Variants in ADAM29 observed in about 807,000 individuals in gnomAD.
The protein encoded by ADAM29 is ADAM metallopeptidase domain 29, also known as disintegrin and metalloproteinase domain-containing protein 29.
For synonymous variants in ADAM29, 367 were observed against 342.3 expected (o/e 1.07, Z -0.80); for missense variants, 969 against 1,001.8 (o/e 0.97, Z 0.44).
chr4:174,970,350 A>G (rs896358489), intron 4 of ADAM29, among the ~76,000 whole-genome samples: 17 of 152,218 alleles, frequency 1.1e-4, no homozygotes, highest in African/African-American at 3.9e-4. Flanking sequence ...CGTGAGTCCA[A>G]TGCAATTCCA....
intron 4 of ADAM29, among the ~76,000 whole-genome samples, chr4:174,970,137 G>T (rs1021288610): frequency 2.0e-5 from 3 of 152,156 alleles, no homozygotes; most frequent in African/African-American, 7.2e-5. Context: ...CAGATTAAAA[G>T]ACAATAGGAT....
At chr4:174,975,168 C>T (rs1172064200) in intron 4 of ADAM29, among the ~76,000 whole-genome samples, 178 bp from the exon 5 acceptor site, 2 of 152,146 alleles carry the variant, frequency 1.3e-5, no homozygotes. Flanking sequence ...TCCCTATTCC[C>T]TTTTCCCTAT....
At chr4:174,936,341 GTTATTA>G (rs1744200428) in intron 3 of ADAM29, among the ~76,000 whole-genome samples, 1 of 151,930 alleles carries the variant, frequency 6.6e-6, no homozygotes, top group Non-Finnish European at 1.5e-5. Context: ...AAGGTCAAAA[GTTATTA>G]TTATTAATTT....
intron 4 of ADAM29, among the ~76,000 whole-genome samples, chr4:174,965,469 T>C (rs1179271073): frequency 6.7e-6 from 1 of 148,288 alleles, no homozygotes; most frequent in African/African-American, 2.5e-5. Flanking sequence ...AGAAACCACA[T>C]CAAGCTCTAT....
intron 3 of ADAM29, among the ~76,000 whole-genome samples, chr4:174,936,634 G>C (rs554136137): frequency 2.0e-5 from 3 of 151,992 alleles, no homozygotes; most frequent in Admixed American, 2.0e-4. Context: ...TGAATGGCAA[G>C]GATAAAATAA....
rs1746971978 is a variant in ADAM29 at position 174,977,845 on chromosome 4, C to T, written c.2320C>T (p.Pro774Ser). Residue 774 changes from proline (P) to serine (S), a missense_variant, in exon 5 of 5, where the codon CCT becomes TCT. By Grantham distance (74) the Pro-to-Ser change is moderately conservative. Coordinates refer to ENST00000359240, the MANE Select transcript of ADAM29 (RefSeq NM_014269.4). Reference sequence around the variant, plus strand: ...CTCCCAGAGTCAACCTCGGGTGATGCCTTCTCAGAGTCAACCTCCTGTGAT... The same window carrying T: ...CTCCCAGAGTCAACCTCGGGTGATGTCTTCTCAGAGTCAACCTCCTGTGAT... The part of the protein sequence containing the change: ...TPSQSQPRVM[P>S]SQSQPPVMPS... The T allele has an allele frequency of 1.9e-6, 3 of 1,584,542 alleles. No individual in the cohort carries two copies. Among genetic ancestry groups the T allele is most frequent in the Non-Finnish European group, 2.6e-6 (3 of 1,164,228 alleles).
At chr4:174,965,686 A>T (rs115490765) in intron 4 of ADAM29, among the ~76,000 whole-genome samples, 2,219 of 152,176 alleles carry the variant, frequency 0.015, 76 homozygotes, top group African/African-American at 0.051. Flanking sequence ...TCTTAAAAAA[A>T]TGGTTTGCCT....
intron 3 of ADAM29, among the ~76,000 whole-genome samples, chr4:174,935,399 A>G (rs908986012): frequency 1.3e-5 from 2 of 152,142 alleles, no homozygotes; most frequent in African/African-American, 4.8e-5. Context: ...CACTTTTGGG[A>G]CACTATGAGG....
At chr4:174,965,872 A>G (rs1746130854) in intron 4 of ADAM29, among the ~76,000 whole-genome samples, 2 of 152,174 alleles carry the variant, frequency 1.3e-5, no homozygotes, top group Non-Finnish European at 2.9e-5. Context: ...TAGGGCTTCA[A>G]CATGTGAATT....
intron 4 of ADAM29, among the ~76,000 whole-genome samples, chr4:174,958,149 T>C (rs893195919): frequency 1.1e-4 from 17 of 151,834 alleles, no homozygotes; most frequent in African/African-American, 4.1e-4. Context: ...TAGAGTGTTC[T>C]ATAAACGTCA....
chr4:174,943,620 C>A (rs1744671384), intron 4 of ADAM29, among the ~76,000 whole-genome samples: 1 of 152,110 alleles, frequency 6.6e-6, no homozygotes, highest in Non-Finnish European at 1.5e-5. Context: ...CATGATCCAA[C>A]CACCTCCCAC....
At chr4:174,964,575 C>A (rs1746043586) in intron 4 of ADAM29, among the ~76,000 whole-genome samples, 1 of 151,862 alleles carries the variant, frequency 6.6e-6, no homozygotes, top group Non-Finnish European at 1.5e-5. Context: ...TCTTAGGAGA[C>A]CATAATCTAT....
intron 2 of ADAM29, among the ~76,000 whole-genome samples, chr4:174,924,817 A>T (rs1743401291): frequency 6.6e-6 from 1 of 152,216 alleles, no homozygotes; most frequent in Non-Finnish European, 1.5e-5. Flanking sequence ...ATAATTCTCC[A>T]CTTCTTCCAT....
chr4:174,959,409 G>A (rs1211189152), intron 4 of ADAM29, among the ~76,000 whole-genome samples: 1 of 150,870 alleles, frequency 6.6e-6, no homozygotes, highest in Admixed American at 6.6e-5. Context: ...TTGTTTTACT[G>A]CAATTGAAAT....
Position 174,975,598 on chromosome 4 carries a change from C to A in ADAM29, c.73C>A (p.Pro25Thr), listed in dbSNP as rs758868840. 1.2e-5 allele frequency: 20 copies of A among 1,601,134 alleles called. No homozygotes were observed. Among genetic ancestry groups the A allele is most frequent in the Non-Finnish European group, 1.7e-5 (20 of 1,174,210 alleles). ...TTCTGGACACATCCAGGATGAGCAC[C>A]CCCAATATCACAGCCCTCCGGATGT... ...SCSGHIQDEH[P>T]QYHSPPDVVI... The change falls in exon 5 of 5, where the codon CCC (proline) becomes ACC (threonine). Residue 25 changes from proline (P) to threonine (T), a missense_variant. Coordinates refer to ENST00000359240, the MANE Select transcript of ADAM29 (RefSeq NM_014269.4).
intron 4 of ADAM29, among the ~76,000 whole-genome samples, chr4:174,968,771 C>CCCCA (rs1296519013): frequency 6.7e-6 from 1 of 148,686 alleles, no homozygotes; most frequent in Non-Finnish European, 1.5e-5. Context: ...CACTTTCCGC[C>CCCCA]CACACACACA....
chr4:174,936,482 A>G (rs1290877599), intron 3 of ADAM29, among the ~76,000 whole-genome samples: 1 of 151,886 alleles, frequency 6.6e-6, no homozygotes, highest in Non-Finnish European at 1.5e-5. Flanking sequence ...TTTATGTTCT[A>G]TTACCACTGT....
chr4:174,975,557 G>C lies in ADAM29; in HGVS notation c.32G>C (p.Gly11Ala). 1.3e-6 allele frequency: 2 copies of C among 1,529,198 alleles called. No individual in the cohort carries two copies. The highest frequency in any genetic ancestry group is 1.8e-6 in the Non-Finnish European group (2 of 1,139,736). 94.7% of individuals were successfully genotyped at this position (1,529,198 alleles called of 1,614,324 possible). A position where few individuals can be genotyped will look rare whatever the true frequency, so the allele number is the denominator to read the frequency against. The part of the protein sequence containing the change: MKMLLLLHCL[G>A]VFLSCSGHIQ... ...ATGTTACTCCTGCTGCATTGCCTTG[G>C]GGTGTTTCTGTCCTGTTCTGGACAC... The change falls in exon 5 of 5, where the codon GGG becomes GCG. Residue 11 changes from glycine to alanine, a missense_variant. Transcript: ENST00000359240.
intron 4 of ADAM29, among the ~76,000 whole-genome samples, chr4:174,955,472 C>T (rs1241876730): frequency 6.6e-6 from 1 of 152,060 alleles, no homozygotes; most frequent in Non-Finnish European, 1.5e-5. Context: ...TTGTAGCTTT[C>T]ATCAGCTTAT....
Sources: gnomAD v4.1 joint callset for allele counts (sites outside exome capture counted in the v4.1 genomes callset) on GRCh38, gnomAD v4.1.1 for gene constraint, MANE v1.5 for transcripts, NCBI Gene and HGNC (gene_info 2026-07-23, HGNC 2026-07-21) for gene names.